Variants in SNTG1 observed in about 807,000 individuals in gnomAD.
The protein encoded by SNTG1 is syntrophin gamma 1.
SNTG1 carries 39 observed loss-of-function variants against 74.7 expected under a neutral mutation model. That is an observed-to-expected ratio of 0.52 (90% CI 0.40 to 0.68). The LOEUF is 0.68. Among genes scored for constraint, SNTG1 ranks in the 30% least tolerant of loss-of-function variants. SNTG1 has a pLI of 0.00. For synonymous variants in SNTG1, 254 were observed against 217.1 expected, an observed-to-expected ratio of 1.17 and a Z score of -1.49; for missense variants, 685 against 609.5, an observed-to-expected ratio of 1.12 and a Z score of -1.30.
At chr8:50,655,775 C>G (rs954751690) in intron 13 of SNTG1, among the ~76,000 whole-genome samples, 1 of 152,158 alleles carries the variant, frequency 6.6e-6, no homozygotes, top group African/African-American at 2.4e-5. Flanking sequence ...TCAACTGTCA[C>G]CACATTAATG....
chr8:50,457,782 G>A (rs973627526), intron 8 of SNTG1: 5 of 152,204 alleles, frequency 3.3e-5, no homozygotes, highest in African/African-American at 1.2e-4. Context: ...GGGTTGAAGA[G>A]GTGTAGCCAA....
At chr8:50,064,415 C>T (rs1484841538) in intron 1 of SNTG1, among the ~76,000 whole-genome samples, 1 of 152,172 alleles carries the variant, frequency 6.6e-6, no homozygotes, top group African/African-American at 2.4e-5. Context: ...ACCTTGATGG[C>T]TCCCACCATC....
At chr8:50,118,643 G>A (rs562999051) in intron 1 of SNTG1, among the ~76,000 whole-genome samples, 1 of 142,568 alleles carries the variant, frequency 7.0e-6, no homozygotes, top group Non-Finnish European at 1.6e-5. Flanking sequence ...AAAGAATCCT[G>A]AGAATTTTGA....
intron 15 of SNTG1, among the ~76,000 whole-genome samples, chr8:50,688,439 T>C (rs1253735835): frequency 2.0e-5 from 3 of 152,182 alleles, no homozygotes; most frequent in African/African-American, 7.2e-5. Flanking sequence ...TTGTATAAGG[T>C]GTAAGGAAGG....
chr8:50,283,684 C>T (rs1302493669), intron 2 of SNTG1, among the ~76,000 whole-genome samples: 1 of 152,112 alleles, frequency 6.6e-6, no homozygotes, highest in African/African-American at 2.4e-5. Flanking sequence ...TAACTGAGTA[C>T]ATTACCTGGC....
chr8:50,356,537 G>A (rs2091821039), intron 2 of SNTG1, among the ~76,000 whole-genome samples: 2 of 152,250 alleles, frequency 1.3e-5, no homozygotes, highest in South Asian at 2.1e-4. Context: ...ATACAGTTCT[G>A]GAGTCTGGGA....
intron 2 of SNTG1, among the ~76,000 whole-genome samples, chr8:50,309,337 CTT>C (rs1185782450): frequency 7.4e-6 from 1 of 136,048 alleles, no homozygotes; most frequent in Non-Finnish European, 1.6e-5. Context: ...ATTAAATAGA[CTT>C]TGCCTCTTTC....
intron 2 of SNTG1, among the ~76,000 whole-genome samples, chr8:50,289,781 A>G (rs567607657): frequency 6.6e-6 from 1 of 152,308 alleles, no homozygotes; most frequent in Non-Finnish European, 1.5e-5. Flanking sequence ...AGGAGAAGTC[A>G]GATGTGTTTG....
rs139767618 is a variant in SNTG1, at chr8:50,268,898, A to G, written c.-28+96263A>G. Among the ~76,000 whole-genome samples the G allele has an allele frequency of 2.0e-3, 310 of 152,176 alleles. 2 individuals carry two copies. The highest frequency in any genetic ancestry group is 7.0e-3 in the African/African-American group (291 of 41,528). On this transcript the variant is annotated intron_variant, in intron 2 of 18. Transcript: ENST00000642720. Reference sequence around the variant, plus strand: ...GGCCTCAAACTCCTGGCCTCAAGTGATATGTCTGCCTCGGCCTCCTAAAGT... The same window carrying G: ...GGCCTCAAACTCCTGGCCTCAAGTGGTATGTCTGCCTCGGCCTCCTAAAGT...
intron 1 of SNTG1, among the ~76,000 whole-genome samples, chr8:50,072,818 G>C (rs893760189): frequency 2.0e-5 from 3 of 152,154 alleles, no homozygotes; most frequent in African/African-American, 4.8e-5. Context: ...AAATATTTTA[G>C]TTTCCTAGTG....
At chr8:50,261,410 G>GA (rs532379402) in intron 2 of SNTG1, among the ~76,000 whole-genome samples, 378 of 152,066 alleles carry the variant, frequency 2.5e-3, no homozygotes, top group Non-Finnish European at 4.6e-3. Flanking sequence ...TTAGTTCTTC[G>GA]AAAAATAGGA....
chr8:50,710,621 T>A (rs2095458895), intron 17 of SNTG1, among the ~76,000 whole-genome samples: 2 of 152,196 alleles, frequency 1.3e-5, no homozygotes, highest in Admixed American at 1.3e-4. Context: ...TGCGAATCTA[T>A]TCTGAGTTTA....
At chr8:50,102,092 T>A (rs1300829842) in intron 1 of SNTG1, among the ~76,000 whole-genome samples, 1 of 151,802 alleles carries the variant, frequency 6.6e-6, no homozygotes, top group Non-Finnish European at 1.5e-5. Context: ...AATGGCTGGG[T>A]CAAATGGTAT....
At chr8:50,229,731 G>A (rs1051037725) in intron 2 of SNTG1, among the ~76,000 whole-genome samples, 5 of 151,400 alleles carry the variant, frequency 3.3e-5, no homozygotes, top group African/African-American at 1.2e-4. Flanking sequence ...AAATCAGTTA[G>A]TTCTAATGGC....
rs988044160 is a variant in SNTG1 at position 50,793,641 on chromosome 8, A to T, written c.*812A>T. The T allele has an allele frequency of 1.3e-5, 2 of 151,884 alleles. No individual in the cohort carries two copies. Among genetic ancestry groups the T allele is most frequent in the African/African-American group, 4.8e-5 (2 of 41,412 alleles). The allele number at this position is 151,884 out of a possible 1,614,324, so 9.4% of individuals were successfully genotyped here. A position where few individuals can be genotyped will look rare whatever the true frequency, so the allele number is the denominator to read the frequency against. Reference sequence around the variant, plus strand: ...AGAGATTTGTATTTTACCTAATAAGATTTATTATCAAATTAAAGTTTCATA... The same window carrying T: ...AGAGATTTGTATTTTACCTAATAAGTTTTATTATCAAATTAAAGTTTCATA... On this transcript the variant is annotated 3_prime_UTR_variant, in exon 19 of 19. Coordinates refer to ENST00000642720, the MANE Select transcript of SNTG1 (RefSeq NM_018967.5).
In SNTG1 at chr8:50,522,711, T is replaced by G. The variant is rs2130186048; in HGVS notation, c.467-7466T>G. 1.3e-5 allele frequency among the ~76,000 whole-genome samples: 2 copies of G among 152,072 alleles called. 1 individual carries two copies. Among genetic ancestry groups the G allele is most frequent in the South Asian group, 4.1e-4 (2 of 4,820 alleles). ...CTCCTGCCACAACCTCCCAAGTAGC[T>G]GGGAATACAGGCATGCACCGCCATG... On this transcript the variant is annotated intron_variant, in intron 9 of 18. Transcript: ENST00000642720.
intron 1 of SNTG1, among the ~76,000 whole-genome samples, chr8:50,153,857 C>G (rs916269152): frequency 4.6e-5 from 7 of 152,164 alleles, no homozygotes; most frequent in Non-Finnish European, 1.0e-4. Flanking sequence ...AGTCAGGGAC[C>G]CACTTGAGGA....
chr8:50,731,360 G>A lies in SNTG1; in HGVS notation c.1285-20641G>A, dbSNP rs187748810. Among the ~76,000 whole-genome samples, 152 of 152,164 alleles carry A rather than the reference G, an allele frequency of 1.0e-3. 2 individuals are homozygous for A. The highest frequency in any genetic ancestry group is 6.8e-3 in the Middle Eastern group (2 of 294). On this transcript the variant is annotated intron_variant, in intron 17 of 18. Coordinates refer to ENST00000642720, the MANE Select transcript of SNTG1 (RefSeq NM_018967.5). The stretch of plus-strand genomic sequence containing the variant: ...GAGTGCATGAACTTTACCAGTATGA[G>A]AAAAAGGGAGACAAATTGGCATATT...
chr8:50,513,768 G>T (rs1281721241), intron 9 of SNTG1, among the ~76,000 whole-genome samples: 3 of 152,330 alleles, frequency 2.0e-5, no homozygotes, highest in Non-Finnish European at 2.9e-5. Context: ...TTGGAAAAGT[G>T]CAGTATTAGG....
Sources: allele counts gnomAD v4.1 joint callset (sites outside exome capture counted in the v4.1 genomes callset), GRCh38; gene constraint gnomAD v4.1.1; transcripts MANE v1.5; gene names NCBI Gene and HGNC (gene_info 2026-07-23, HGNC 2026-07-21).